CELF5: variants seen among roughly 807,000 people sequenced by gnomAD.
CELF5 encodes the protein CUGBP Elav-like family member 5.
A neutral mutation model predicts 54.9 loss-of-function variants in CELF5; 6 were observed. The observed-to-expected ratio is 0.11, with a 90% CI of 0.06 to 0.22. The LOEUF (loss-of-function observed/expected upper bound fraction) is 0.22. Among genes scored for constraint, CELF5 ranks in the 10% least tolerant of loss-of-function variants. The pLI, the probability that CELF5 is intolerant of heterozygous loss-of-function variation, is 1.00. For synonymous variants in CELF5, 271 were observed against 290.9 expected (o/e 0.93, Z 0.70); for missense variants, 401 against 678.6 (o/e 0.59, Z 4.54).
chr19:3,250,515 G>A lies in CELF5; in HGVS notation c.260-470G>A, dbSNP rs925960723. Among the ~76,000 whole-genome samples the A allele has an allele frequency of 4.6e-5, 7 of 152,160 alleles. No homozygotes were observed. In the East Asian group the frequency reaches 1.2e-3, roughly 25 times the overall value. On this transcript the variant is annotated intron_variant, in intron 1 of 12. Coordinates refer to ENST00000292672, the MANE Select transcript of CELF5 (RefSeq NM_021938.4). Reference sequence around the variant, plus strand: ...AAATAAATAAATAAAAATAAAAATTGCACAGCTCAGTGGTATTAAGCATAT... The same window carrying A: ...AAATAAATAAATAAAAATAAAAATTACACAGCTCAGTGGTATTAAGCATAT...
chr19:3,249,864 A>C (rs984107318), intron 1 of CELF5, among the ~76,000 whole-genome samples: 1 of 152,090 alleles, frequency 6.6e-6, no homozygotes, highest in Admixed American at 6.6e-5. Flanking sequence ...GCCTTCTTCC[A>C]TCTTTCTGGG....
At position 3,228,291 on chromosome 19, in the gene CELF5, G is replaced by A. The variant is rs544835568; in HGVS notation, c.259+3293G>A. On this transcript the variant is annotated intron_variant, in intron 1 of 12. Coordinates refer to ENST00000292672, the MANE Select transcript of CELF5 (RefSeq NM_021938.4). The surrounding 1 kb of genome is among the most constrained non-coding windows in gnomAD (Gnocchi z 6.0). The stretch of plus-strand genomic sequence containing the variant: ...CCTGCCAGAACTCCGCATCCAGAGA[G>A]CGGGGACCTCCCCCAGGAAGGACCC... 3.9e-5 allele frequency among the ~76,000 whole-genome samples: 6 copies of A among 152,220 alleles called. No homozygotes were observed. The highest frequency in any genetic ancestry group is 1.4e-4 in the African/African-American group (6 of 41,524).
Position 3,285,969 on chromosome 19 carries a change from C to G in CELF5, c.1130C>G (p.Pro377Arg). The G allele has an allele frequency of 6.3e-7, 1 of 1,589,470 alleles. No individual in the cohort carries two copies. The highest frequency in any genetic ancestry group is 8.5e-7 in the Non-Finnish European group (1 of 1,173,974). Reference protein sequence around the residue: ...TAMYPTAAITPIAHSVPQPPP... With the variant: ...TAMYPTAAITRIAHSVPQPPP... Reference sequence around the variant, plus strand: ...ATGTACCCCACCGCGGCCATCACGCCCATCGCGCACAGCGTCCCCCAGCCG... The same window carrying G: ...ATGTACCCCACCGCGGCCATCACGCGCATCGCGCACAGCGTCCCCCAGCCG... Residue 377 changes from proline to arginine, a missense_variant, in exon 10 of 13, where the codon CCC becomes CGC. Physicochemically the swap from Pro to Arg is moderately radical, Grantham distance 103 (BLOSUM62 -2). Around this residue, in one of 6 missense-constraint regions of CELF5, gnomAD observed 143 missense variants for 147.6 expected, o/e 0.97. Coordinates refer to ENST00000292672, the MANE Select transcript of CELF5 (RefSeq NM_021938.4).
chr19:3,275,727 C>T lies in CELF5; in HGVS notation c.395-129C>T. Reference sequence around the variant, plus strand: ...GGGTCCTCCCTCGCACGCGCAGAACCGGAGCCGGCAGGGCCCGGGCGCCGC... The same window carrying T: ...GGGTCCTCCCTCGCACGCGCAGAACTGGAGCCGGCAGGGCCCGGGCGCCGC... On this transcript the variant is annotated intron_variant, in intron 3 of 12. Transcript: ENST00000292672. The surrounding 1 kb of genome is among the most constrained non-coding windows in gnomAD (Gnocchi z 6.7). 1 of 1,009,460 alleles carries T rather than the reference C, an allele frequency of 9.9e-7. No homozygotes were observed. Among genetic ancestry groups the T allele is most frequent in the Non-Finnish European group, 1.4e-6 (1 of 714,454 alleles). 62.5% of individuals were successfully genotyped at this position (1,009,460 alleles called of 1,614,324 possible). A position where few individuals can be genotyped will look rare whatever the true frequency, so the allele number is the denominator to read the frequency against.
chr19:3,295,472 C>CA (rs1390870162), intron 12 of CELF5: 1 of 152,234 alleles, frequency 6.6e-6, no homozygotes, highest in Non-Finnish European at 1.5e-5. Context: ...CTGGGCCGGT[C>CA]ACTCAGCGGG....
Position 3,282,425 on chromosome 19 carries a change from A to G in CELF5, c.966A>G (p.Ala322=). 1 of 1,613,434 alleles carries G rather than the reference A, an allele frequency of 6.2e-7. No homozygotes were observed. The highest frequency in any genetic ancestry group is 8.5e-7 in the Non-Finnish European group (1 of 1,180,030). Residue 322 remains alanine (A), a synonymous_variant, in exon 8 of 13, where the codon GCA becomes GCG. Transcript: ENST00000292672. This position sits in a 1 kb window ranked among gnomAD's most constrained non-coding sequence, Gnocchi z 5.2. ...GLVAPITNGF[A]GVVPFPGGHP... ...TGGCTCCCATCACCAATGGCTTTGC[A>G]GGTGTCGTGCCCTTTCCAGGTGGGC...
chr19:3,246,941 G>A (rs911371595), intron 1 of CELF5, among the ~76,000 whole-genome samples: 8 of 152,190 alleles, frequency 5.3e-5, no homozygotes, highest in African/African-American at 1.7e-4. Flanking sequence ...GCGGACCTAT[G>A]CTATGATTTC....
intron 2 of CELF5, among the ~76,000 whole-genome samples, chr19:3,258,482 G>C (rs1202423238): frequency 1.3e-5 from 2 of 152,106 alleles, no homozygotes; most frequent in Non-Finnish European, 2.9e-5. Flanking sequence ...TTAGGGCTCA[G>C]CCTACATCCA....
In CELF5 at chr19:3,282,149, C is replaced by T; in HGVS notation, c.774C>T (p.Val258=). The T allele has an allele frequency of 1.9e-6, 3 of 1,614,246 alleles. No homozygotes were observed. Among genetic ancestry groups the T allele is most frequent in the Non-Finnish European group, 2.5e-6 (3 of 1,180,054 alleles). Residue 258 remains valine (V), a synonymous_variant, in exon 7 of 13, where the codon GTC becomes GTT. Coordinates refer to ENST00000292672, the MANE Select transcript of CELF5 (RefSeq NM_021938.4). This position sits in a 1 kb window ranked among gnomAD's most constrained non-coding sequence, Gnocchi z 5.2. ...AGCTCATGCAACAGCAGACAACAGT[C>T]CTGTCCACCTCGGGCAGCTACCTGA... ...AQALMQQQTT[V]LSTSGSYLSP...
chr19:3,279,131 T>C (rs192158599), intron 5 of CELF5, among the ~76,000 whole-genome samples: 18 of 151,234 alleles, frequency 1.2e-4, no homozygotes, highest in Non-Finnish European at 1.6e-4. Flanking sequence ...CCAGCTGAGG[T>C]AGGAGGAGGC....
At position 3,273,897 on chromosome 19, in the gene CELF5, C is replaced by T. The variant is rs556339830; in HGVS notation, c.368C>T (p.Pro123Leu). Reference protein sequence around the residue: ...PGMARPIQVKPADSESRGGRD... With the variant: ...PGMARPIQVKLADSESRGGRD... ...ATGGCGCGGCCAATCCAGGTGAAGC[C>T]TGCGGACAGTGAAAGCCGCGGAGGT... Residue 123 changes from proline to leucine, a missense_variant, in exon 3 of 13, where the codon CCT (proline) becomes CTT (leucine). Coordinates refer to ENST00000292672, the MANE Select transcript of CELF5 (RefSeq NM_021938.4). 1 of 1,613,800 alleles carries T rather than the reference C, an allele frequency of 6.2e-7. No homozygotes were observed. The highest frequency in any genetic ancestry group is 1.3e-5 in the African/African-American group (1 of 75,066).
chr19:3,235,955 G>C (rs962035798), intron 1 of CELF5, among the ~76,000 whole-genome samples: 1 of 152,128 alleles, frequency 6.6e-6, no homozygotes, highest in Non-Finnish European at 1.5e-5. Flanking sequence ...TGTAGTGATG[G>C]GGACTGAAGC....
intron 1 of CELF5, among the ~76,000 whole-genome samples, chr19:3,234,894 C>A (rs935835849): frequency 1.3e-5 from 2 of 152,004 alleles, no homozygotes; most frequent in Non-Finnish European, 2.9e-5. Flanking sequence ...CACCTTCGCG[C>A]CCCACAGTCT....
chr19:3,258,811 A>G (rs2079767687), intron 2 of CELF5, among the ~76,000 whole-genome samples: 2 of 151,680 alleles, frequency 1.3e-5, no homozygotes, highest in South Asian at 2.1e-4. Context: ...GAGTCTTGCT[A>G]TGTTGCCCAG....
At position 3,282,615 on chromosome 19, in the gene CELF5, G is replaced by A. The variant is rs2080172086; in HGVS notation, c.1039+117G>A. On this transcript the variant is annotated intron_variant, in intron 8 of 12. Transcript: ENST00000292672. The surrounding 1 kb of genome is among the most constrained non-coding windows in gnomAD (Gnocchi z 5.2). ...CCAGGGAACAGAAGGGCAGGAAAAA[G>A]GGTGTCTCCGCTGAGCAGATAAGAG... 8.3e-7 allele frequency: 1 copy of A among 1,204,270 alleles called. No individual in the cohort carries two copies. The highest frequency in any genetic ancestry group is 1.2e-6 in the Non-Finnish European group (1 of 868,892). The allele number at this position is 1,204,270 out of a possible 1,614,324, so 74.6% of individuals were successfully genotyped here. A position where few individuals can be genotyped will look rare whatever the true frequency, so the allele number is the denominator to read the frequency against.
intron 1 of CELF5, among the ~76,000 whole-genome samples, chr19:3,226,521 G>A (rs1314725757): frequency 5.3e-5 from 8 of 149,562 alleles, no homozygotes; most frequent in Admixed American, 5.3e-4. Flanking sequence ...GCCTAGGAGG[G>A]CAGAGGGGCT....
chr19:3,281,722 C>T lies in CELF5; in HGVS notation c.750+377C>T, dbSNP rs2080155398. 6.6e-6 allele frequency among the ~76,000 whole-genome samples: 1 copy of T among 152,190 alleles called. No homozygotes were observed. The highest frequency in any genetic ancestry group is 6.5e-5 in the Admixed American group (1 of 15,276). ...CCCAGCTCCTGACTGAACCCTGATCCCAGGCTGAGCCTCAATTTCTAACTA... is the reference window on the plus strand; with the variant it reads ...CCCAGCTCCTGACTGAACCCTGATCTCAGGCTGAGCCTCAATTTCTAACTA... On this transcript the variant is annotated intron_variant, in intron 6 of 12. Coordinates refer to ENST00000292672, the MANE Select transcript of CELF5 (RefSeq NM_021938.4). The surrounding 1 kb of genome is among the most constrained non-coding windows in gnomAD (Gnocchi z 6.5).
In CELF5 at chr19:3,275,821, G is replaced by A. The variant is rs1013080672; in HGVS notation, c.395-35G>A. 1.2e-5 allele frequency: 19 copies of A among 1,581,504 alleles called. No homozygotes were observed. Among genetic ancestry groups the A allele is most frequent in the Non-Finnish European group, 1.6e-5 (18 of 1,157,742 alleles). ...AATCCCGGAGGCCCTCCCGGAGGCCGGGGACTCGGCTGAGGTGGGTGTCGC... is the reference window on the plus strand; with the variant it reads ...AATCCCGGAGGCCCTCCCGGAGGCCAGGGACTCGGCTGAGGTGGGTGTCGC... On this transcript the variant is annotated intron_variant, in intron 3 of 12. Transcript: ENST00000292672. The surrounding 1 kb of genome is among the most constrained non-coding windows in gnomAD (Gnocchi z 6.7).
rs1469488343 is a variant in CELF5, at chr19:3,281,742, T to C, written c.751-384T>C. Among the ~76,000 whole-genome samples, 1 of 151,666 alleles carries C rather than the reference T, an allele frequency of 6.6e-6. No individual in the cohort carries two copies. The highest frequency in any genetic ancestry group is 1.5e-5 in the Non-Finnish European group (1 of 67,908). On this transcript the variant is annotated intron_variant, in intron 6 of 12. Coordinates refer to ENST00000292672, the MANE Select transcript of CELF5 (RefSeq NM_021938.4). The surrounding 1 kb of genome is among the most constrained non-coding windows in gnomAD (Gnocchi z 6.5). ...TGATCCCAGGCTGAGCCTCAATTTC[T>C]AACTAAACCCTCATCCTAGATGGAG...
Sources: gnomAD v4.1 joint callset for allele counts (sites outside exome capture counted in the v4.1 genomes callset) on GRCh38, gnomAD v4.1.1 for gene constraint, gnomAD v4.1.1 regional missense constraint, Gnocchi (gnomAD v3.1) non-coding constraint, MANE v1.5 for transcripts, NCBI Gene and HGNC (gene_info 2026-07-23, HGNC 2026-07-21) for gene names.